CFAP44: variants seen among roughly 807,000 people sequenced by gnomAD.
The protein encoded by CFAP44 is cilia and flagella associated protein 44, also known as cilia- and flagella-associated protein 44.
CFAP44 carries 134 observed loss-of-function variants against 216.2 expected under a neutral mutation model. The ratio of observed to expected loss-of-function variants is 0.62; its 90% CI spans 0.54 to 0.72. The LOEUF is 0.72. Among genes scored for constraint, CFAP44 ranks in the 30% least tolerant of loss-of-function variants. The probability of loss-of-function intolerance (pLI) is 0.00; values close to 1 mark genes in which losing one functional copy is unlikely to be tolerated. For missense variants in CFAP44, 2,035 were observed against 2,182.1 expected, an observed-to-expected ratio of 0.93 and a Z score of 1.34; for synonymous variants, 700 against 727.6, an observed-to-expected ratio of 0.96 and a Z score of 0.61.
intron 22 of CFAP44, among the ~76,000 whole-genome samples, chr3:113,348,895 A>C (rs1576561846): frequency 6.6e-6 from 1 of 152,356 alleles, no homozygotes; most frequent in East Asian, 1.9e-4. Context: ...TTGTTAGATC[A>C]AACCCTGGCC....
chr3:113,384,976 C>A lies in CFAP44; in HGVS notation c.1891-3916G>T, dbSNP rs575520332. Among the ~76,000 whole-genome samples the A allele has an allele frequency of 4.6e-5, 7 of 152,304 alleles. No individual in the cohort carries two copies. In the South Asian group the frequency reaches 1.2e-3, roughly 27 times the overall value. On this transcript the variant is annotated intron_variant, in intron 15 of 34. Transcript: ENST00000393845. ...ATCTTGAATTGTAGCCCCCACAATT[C>A]CCACATGTCATGGGAGGGACCTGGT...
intron 24 of CFAP44, among the ~76,000 whole-genome samples, chr3:113,339,912 C>G (rs1950315399): frequency 6.6e-6 from 1 of 152,164 alleles, no homozygotes; most frequent in Non-Finnish European, 1.5e-5. Context: ...GGGAAGAACC[C>G]CTTGCTTAGT....
At chr3:113,352,411 T>A (rs1369389339) in intron 22 of CFAP44, among the ~76,000 whole-genome samples, 1 of 152,208 alleles carries the variant, frequency 6.6e-6, no homozygotes, top group African/African-American at 2.4e-5. Context: ...CTTTAAGAGC[T>A]GTAAACACTT....
At position 113,427,516 on chromosome 3, in the gene CFAP44, C is replaced by T. The variant is rs984019902; in HGVS notation, c.101-177G>A. 1.4e-5 allele frequency: 7 copies of T among 513,792 alleles called. No homozygotes were observed. In the South Asian group the frequency reaches 1.9e-4, roughly 14 times the overall value. The allele number at this position is 513,792 out of a possible 1,614,324, so 31.8% of individuals were successfully genotyped here. ...CTTGTAACTTTACAAAATAAGAAAG[C>T]CTTTTCTGTTTGTTAATCTCCATTT... On this transcript the variant is annotated intron_variant, in intron 2 of 34. Coordinates refer to ENST00000393845, the MANE Select transcript of CFAP44 (RefSeq NM_001164496.2).
At chr3:113,325,166 G>A (rs991338121) in intron 28 of CFAP44, among the ~76,000 whole-genome samples, 7 of 151,674 alleles carry the variant, frequency 4.6e-5, no homozygotes, top group Admixed American at 6.6e-5. Flanking sequence ...GCCAGGCGTG[G>A]TGGTGGGAGC....
At chr3:113,433,221 G>A (rs149135090) in intron 2 of CFAP44, among the ~76,000 whole-genome samples, 1,710 of 151,816 alleles carry the variant, frequency 0.011, 26 homozygotes, top group Middle Eastern at 0.045. Context: ...CTGAGGTCAG[G>A]AGTTCGAGAC....
intron 7 of CFAP44, among the ~76,000 whole-genome samples, chr3:113,408,104 T>A (rs1353202683): frequency 3.9e-5 from 6 of 152,148 alleles, no homozygotes. Context: ...AATAAATGAA[T>A]AACAAAAAGA....
At chr3:113,349,651 G>T (rs1428238328) in intron 22 of CFAP44, among the ~76,000 whole-genome samples, 1 of 152,208 alleles carries the variant, frequency 6.6e-6, no homozygotes, top group Non-Finnish European at 1.5e-5. Context: ...GAGGACAAAG[G>T]TTCTCTGGGC....
chr3:113,308,458 G>A (rs1950006998), intron 28 of CFAP44, among the ~76,000 whole-genome samples, 190 bp from the exon 29 acceptor site: 1 of 152,218 alleles, frequency 6.6e-6, no homozygotes, highest in Non-Finnish European at 1.5e-5. Context: ...TACTATCAAT[G>A]CAAGTCAGAG....
At chr3:113,363,691 A>G (rs1040724258) in intron 19 of CFAP44, among the ~76,000 whole-genome samples, 159 bp from the exon 20 acceptor site, 30 of 152,186 alleles carry the variant, frequency 2.0e-4, no homozygotes, top group Non-Finnish European at 1.2e-4. Context: ...ACAAAAATCC[A>G]AGGAAAAAAA....
At chr3:113,423,105 C>CATT (rs1491251290) in intron 4 of CFAP44, among the ~76,000 whole-genome samples, 39 of 79,160 alleles carry the variant, frequency 4.9e-4, no homozygotes, top group African/African-American at 1.6e-3. Flanking sequence ...CTGATCCTTC[C>CATT]TTTTTTTTTT....
intron 7 of CFAP44, among the ~76,000 whole-genome samples, chr3:113,408,515 C>G (rs1934354790): frequency 1.3e-5 from 2 of 152,144 alleles, no homozygotes; most frequent in South Asian, 4.1e-4. Context: ...TATTAAGACA[C>G]TACATAAACT....
chr3:113,434,265 G>C (rs1184343049), intron 1 of CFAP44, among the ~76,000 whole-genome samples: 1 of 152,150 alleles, frequency 6.6e-6, no homozygotes, highest in African/African-American at 2.4e-5. Flanking sequence ...AAAACATGAT[G>C]GGGGGTTAGA....
intron 28 of CFAP44, among the ~76,000 whole-genome samples, chr3:113,318,588 T>C (rs1950110771): frequency 6.6e-6 from 1 of 152,142 alleles, no homozygotes; most frequent in Non-Finnish European, 1.5e-5. Flanking sequence ...CCCAGCTAGA[T>C]ATGATACAAG....
chr3:113,381,580 A>G (rs1355198648), intron 15 of CFAP44, among the ~76,000 whole-genome samples: 1 of 152,216 alleles, frequency 6.6e-6, no homozygotes. Flanking sequence ...GGGAAATCTT[A>G]CAACCTTCAT....
chr3:113,408,107 C>T (rs1045183130), intron 7 of CFAP44, among the ~76,000 whole-genome samples: 1 of 152,046 alleles, frequency 6.6e-6, no homozygotes, highest in African/African-American at 2.4e-5. Flanking sequence ...AAATGAATAA[C>T]AAAAAGACCA....
chr3:113,436,530 T>G (rs1423008673), intron 1 of CFAP44, among the ~76,000 whole-genome samples: 6 of 152,232 alleles, frequency 3.9e-5, no homozygotes, highest in African/African-American at 1.2e-4. Flanking sequence ...TAAACTTATC[T>G]TCTAAATCAC....
At chr3:113,406,818 C>A (rs533818131) in intron 8 of CFAP44, 109 bp downstream of exon 8, 7 of 658,124 alleles carry the variant, frequency 1.1e-5, no homozygotes, top group Non-Finnish European at 1.6e-5. Flanking sequence ...ATTACATTTA[C>A]AATAATATCT....
chr3:113,319,249 T>C (rs748880227), intron 28 of CFAP44, among the ~76,000 whole-genome samples: 1 of 152,130 alleles, frequency 6.6e-6, no homozygotes, highest in East Asian at 1.9e-4. Context: ...AGATCTACCA[T>C]GTAAATGGAA....
Sources: allele counts gnomAD v4.1 joint callset (sites outside exome capture counted in the v4.1 genomes callset), GRCh38; gene constraint gnomAD v4.1.1; transcripts MANE v1.5; gene names NCBI Gene and HGNC (gene_info 2026-07-23, HGNC 2026-07-21).